The following CALCOCO2 variants were observed in gnomAD, a reference collection of about 807,000 sequenced individuals.
The protein encoded by CALCOCO2 is calcium-binding and coiled-coil domain-containing protein 2.
A neutral mutation model predicts 62.5 loss-of-function variants in CALCOCO2; 42 were observed. The ratio of observed to expected loss-of-function variants is 0.67; its 90% CI spans 0.53 to 0.87. The LOEUF is 0.87. Among genes scored for constraint, CALCOCO2 ranks in the 40% least tolerant of loss-of-function variants. The pLI is 0.00. For synonymous variants in CALCOCO2, 167 were observed against 173.0 expected, an observed-to-expected ratio of 0.97 and a Z score of 0.27; for missense variants, 456 against 515.0, an observed-to-expected ratio of 0.89 and a Z score of 1.11.
intron 1 of CALCOCO2, among the ~76,000 whole-genome samples, chr17:48,837,636 ACT>A (rs2039912588): frequency 6.6e-6 from 1 of 152,018 alleles, no homozygotes. Context: ...ACAGAGCGAA[ACT>A]CTGTCTAAAA....
At chr17:48,853,978 A>G (rs569364475) in intron 9 of CALCOCO2, among the ~76,000 whole-genome samples, 1 of 152,176 alleles carries the variant, frequency 6.6e-6, no homozygotes, top group South Asian at 2.1e-4. Context: ...GGCACATTCC[A>G]GTTTGTGACC....
intron 1 of CALCOCO2, among the ~76,000 whole-genome samples, chr17:48,832,967 G>A (rs1453658810): frequency 1.3e-5 from 2 of 152,146 alleles, no homozygotes; most frequent in African/African-American, 4.8e-5. Context: ...TAGTAATAAA[G>A]GCCTCCTGGG....
chr17:48,855,914 G>T lies in CALCOCO2; in HGVS notation c.913-178G>T, dbSNP rs569159955. 9 of 354,822 alleles carry T rather than the reference G, an allele frequency of 2.5e-5. No individual in the cohort carries two copies. The East Asian group carries it at 3.2e-4, about 13-fold the overall frequency. The allele number at this position is 354,822 out of a possible 1,614,324, so 22.0% of individuals were successfully genotyped here. A position where few individuals can be genotyped will look rare whatever the true frequency, so the allele number is the denominator to read the frequency against. The stretch of plus-strand genomic sequence containing the variant: ...TCTTGATGCCAGCTCAGGCCTTCAG[G>T]TGTCTTTTTAAGTCACTTTAATTTA... On this transcript the variant is annotated intron_variant, in intron 9 of 12. Coordinates refer to ENST00000258947, the MANE Select transcript of CALCOCO2 (RefSeq NM_005831.5).
At chr17:48,846,098 T>A in intron 2 of CALCOCO2, 7 of 1,333,596 alleles carry the variant, frequency 5.2e-6, no homozygotes, top group Non-Finnish European at 7.2e-6. Context: ...TGGCACCAGG[T>A]AGGTACTCAG....
intron 1 of CALCOCO2, among the ~76,000 whole-genome samples, chr17:48,840,539 TC>T (rs2039963020): frequency 6.6e-6 from 1 of 152,224 alleles, no homozygotes; most frequent in Non-Finnish European, 1.5e-5. Flanking sequence ...TTTGCTGTCT[TC>T]CAAATGTGGG....
At chr17:48,839,103 G>A (rs2039937610) in intron 1 of CALCOCO2, among the ~76,000 whole-genome samples, 1 of 151,834 alleles carries the variant, frequency 6.6e-6, no homozygotes, top group African/African-American at 2.4e-5. Context: ...GGCCTCCCGG[G>A]TTCCTGCCAT....
chr17:48,846,157 G>A, intron 2 of CALCOCO2: 1 of 856,934 alleles, frequency 1.2e-6, no homozygotes, highest in South Asian at 1.9e-5. Context: ...TTTATTTTGA[G>A]ACAGAGTCTT....
At chr17:48,835,725 CTTTTCTTTT>C (rs2143567738) in intron 1 of CALCOCO2, among the ~76,000 whole-genome samples, 1 of 440 alleles carries the variant, frequency 2.3e-3, no homozygotes, top group South Asian at 0.1. Flanking sequence ...GGTTGTTTTT[CTTTTCTTTT>C]CTTTTCTTTT....
At chr17:48,833,472 A>G (rs1354183171) in intron 1 of CALCOCO2, among the ~76,000 whole-genome samples, 1 of 151,304 alleles carries the variant, frequency 6.6e-6, no homozygotes, top group Non-Finnish European at 1.5e-5. Context: ...ACTTGAACCC[A>G]GGAGACAGAG....
Position 48,841,679 on chromosome 17 carries a change from G to C in CALCOCO2, c.-10-19G>C. 2 of 1,555,604 alleles carry C rather than the reference G, an allele frequency of 1.3e-6. No homozygotes were observed. The highest frequency in any genetic ancestry group is 1.8e-6 in the Non-Finnish European group (2 of 1,136,756). On this transcript the variant is annotated intron_variant, in intron 1 of 12. Transcript: ENST00000258947. ...GACAATGCTTTCTGAGCCTTACTCTGTTCCACATTTCATAACAGGACCCCT... is the reference window on the plus strand; with the variant it reads ...GACAATGCTTTCTGAGCCTTACTCTCTTCCACATTTCATAACAGGACCCCT...
At chr17:48,849,487 G>A in intron 5 of CALCOCO2, 110 bp downstream of exon 5, 1 of 895,766 alleles carries the variant, frequency 1.1e-6, no homozygotes, top group Non-Finnish European at 1.8e-6. Context: ...TCTTATACCA[G>A]TATCTTTGAA....
intron 7 of CALCOCO2, 83 bp downstream of exon 7, chr17:48,851,711 C>A: frequency 1.2e-6 from 1 of 807,298 alleles, no homozygotes. Flanking sequence ...AGATGTATTT[C>A]ATTGCAGTGA....
intron 4 of CALCOCO2, chr17:48,848,779 C>G (rs906623342): frequency 1.9e-6 from 1 of 514,666 alleles, no homozygotes; most frequent in Non-Finnish European, 3.8e-6. Context: ...AGAGAAGCAC[C>G]AAATATTCTT....
chr17:48,851,848 A>C, intron 7 of CALCOCO2: 1 of 465,204 alleles, frequency 2.1e-6, no homozygotes. Flanking sequence ...ATCATGATTC[A>C]CAGCCGGGCG....
intron 4 of CALCOCO2, chr17:48,848,896 T>C: frequency 2.1e-6 from 1 of 477,368 alleles, no homozygotes; most frequent in Non-Finnish European, 4.1e-6. Flanking sequence ...AGCACTATGG[T>C]AGGCACTGGG....
intron 10 of CALCOCO2, chr17:48,856,474 T>C (rs1447988072): frequency 8.4e-6 from 4 of 474,738 alleles, no homozygotes; most frequent in African/African-American, 2.0e-5. Flanking sequence ...AGCTAATATA[T>C]GTTGCCTTGG....
At chr17:48,851,227 T>C (rs1262167468) in intron 6 of CALCOCO2, 50 bp downstream of exon 6, 1 of 965,248 alleles carries the variant, frequency 1.0e-6, no homozygotes, top group South Asian at 1.3e-5. Flanking sequence ...GTACCATCAG[T>C]ACCCTTAAGT....
intron 1 of CALCOCO2, among the ~76,000 whole-genome samples, chr17:48,833,546 C>CA (rs10583747): frequency 2.6e-4 from 34 of 128,498 alleles, no homozygotes; most frequent in African/African-American, 8.9e-4. Context: ...GACTCTGTCT[C>CA]AAAAAAAAAA....
intron 1 of CALCOCO2, among the ~76,000 whole-genome samples, chr17:48,832,308 C>T (rs1274022057): frequency 1.3e-5 from 2 of 152,204 alleles, no homozygotes; most frequent in African/African-American, 2.4e-5. Flanking sequence ...GCAGGAGAAT[C>T]GCTTGGACCC....
Sources: allele counts gnomAD v4.1 joint callset (sites outside exome capture counted in the v4.1 genomes callset), GRCh38; gene constraint gnomAD v4.1.1; transcripts MANE v1.5; gene names NCBI Gene and HGNC (gene_info 2026-07-23, HGNC 2026-07-21).